Variants in PRR5L observed in about 807,000 individuals in gnomAD.
The protein encoded by PRR5L is proline rich 5 like, also known as proline-rich protein 5-like.
Under a neutral mutation model 36.4 loss-of-function variants are expected in PRR5L, and 21 were observed. That is an observed-to-expected ratio of 0.58 (90% CI 0.41 to 0.83). The LOEUF (loss-of-function observed/expected upper bound fraction) is 0.83, where lower values mean the gene tolerates loss of function less well. Ranked by LOEUF, PRR5L falls within the 40% of genes least tolerant of loss-of-function variation. PRR5L has a pLI of 0.00. For synonymous variants in PRR5L, 188 were observed against 197.0 expected, an observed-to-expected ratio of 0.95 and a Z score of 0.38; for missense variants, 381 against 473.3, an observed-to-expected ratio of 0.80 and a Z score of 1.81.
At chr11:36,312,524 C>T (rs539426173) in intron 1 of PRR5L, among the ~76,000 whole-genome samples, 2 of 152,266 alleles carry the variant, frequency 1.3e-5, no homozygotes, top group African/African-American at 4.8e-5. Flanking sequence ...TCTGTTGGAC[C>T]AGCTGTTCAT....
chr11:36,378,036 AC>A (rs1407537960), intron 1 of PRR5L, among the ~76,000 whole-genome samples: 8 of 152,172 alleles, frequency 5.3e-5, no homozygotes, highest in African/African-American at 1.9e-4. Flanking sequence ...CCGGGAGACT[AC>A]CCTTTTTGAC....
At chr11:36,354,076 G>A (rs1357926976) in intron 1 of PRR5L, among the ~76,000 whole-genome samples, 8 of 152,182 alleles carry the variant, frequency 5.3e-5, no homozygotes, top group Non-Finnish European at 2.9e-5. Context: ...AGACTTCATT[G>A]TCAGGAGCAC....
chr11:36,455,436 C>T (rs981041724), intron 8 of PRR5L: 2 of 153,262 alleles, frequency 1.3e-5, no homozygotes, highest in Non-Finnish European at 2.9e-5. Flanking sequence ...CAGTGTTCAG[C>T]AGGGCTCCTG....
At chr11:36,399,430 C>A (rs1857741593) in intron 1 of PRR5L, among the ~76,000 whole-genome samples, 1 of 152,200 alleles carries the variant, frequency 6.6e-6, no homozygotes, top group Non-Finnish European at 1.5e-5. Flanking sequence ...TGGCTTGCCT[C>A]CATGCCCATC....
chr11:36,438,645 G>A (rs1858655411), intron 6 of PRR5L, among the ~76,000 whole-genome samples: 1 of 152,122 alleles, frequency 6.6e-6, no homozygotes, highest in African/African-American at 2.4e-5. Flanking sequence ...TGGGGATAAG[G>A]TTGCCAGATG....
intron 1 of PRR5L, among the ~76,000 whole-genome samples, chr11:36,365,068 T>C (rs1565418535): frequency 6.6e-6 from 1 of 152,202 alleles, no homozygotes; most frequent in African/African-American, 2.4e-5. Context: ...GCCTGGTACT[T>C]AATGTAAACT....
intron 1 of PRR5L, among the ~76,000 whole-genome samples, chr11:36,334,521 G>A (rs1856750074): frequency 6.6e-6 from 1 of 152,078 alleles, no homozygotes; most frequent in South Asian, 2.1e-4. Context: ...ACACCATCAA[G>A]GTTATTATTT....
chr11:36,307,941 C>A (rs185854864), intron 1 of PRR5L, among the ~76,000 whole-genome samples: 2 of 152,250 alleles, frequency 1.3e-5, no homozygotes, highest in Admixed American at 6.5e-5. Context: ...TTTTTTCCAG[C>A]AAACTTTCCC....
chr11:36,385,904 C>A (rs1857449120), intron 1 of PRR5L, among the ~76,000 whole-genome samples: 1 of 152,170 alleles, frequency 6.6e-6, no homozygotes, highest in African/African-American at 2.4e-5. Context: ...TTAGGTGGAC[C>A]CAAGTTTAGT....
At chr11:36,397,796 CT>C (rs1163004656) in intron 1 of PRR5L, among the ~76,000 whole-genome samples, 1 of 150,322 alleles carries the variant, frequency 6.7e-6, no homozygotes, top group Non-Finnish European at 1.5e-5. Flanking sequence ...TCTTTTCTTT[CT>C]TTTTTTGTTT....
At chr11:36,390,743 T>C (rs1857548522) in intron 1 of PRR5L, among the ~76,000 whole-genome samples, 2 of 152,224 alleles carry the variant, frequency 1.3e-5, no homozygotes, top group African/African-American at 4.8e-5. Context: ...TGCACTCCGA[T>C]ATTTTCTATT....
intron 1 of PRR5L, among the ~76,000 whole-genome samples, chr11:36,362,901 G>C (rs1277268055): frequency 6.6e-6 from 1 of 152,310 alleles, no homozygotes; most frequent in South Asian, 2.1e-4. Context: ...TGGGCAGCCT[G>C]CCTGGGATGG....
chr11:36,403,741 T>C (rs918551197), intron 3 of PRR5L, among the ~76,000 whole-genome samples: 3 of 152,222 alleles, frequency 2.0e-5, no homozygotes, highest in Non-Finnish European at 4.4e-5. Context: ...TGAGGTTTTA[T>C]TGTGTTCTTC....
intron 4 of PRR5L, among the ~76,000 whole-genome samples, chr11:36,429,639 A>C (rs1026911142): frequency 4.6e-5 from 7 of 152,228 alleles, no homozygotes; most frequent in African/African-American, 1.4e-4. Context: ...AGTTGTTTTA[A>C]TAGAAGCCTG....
At chr11:36,423,862 AG>A (rs1858323722) in intron 4 of PRR5L, among the ~76,000 whole-genome samples, 1 of 152,120 alleles carries the variant, frequency 6.6e-6, no homozygotes. Context: ...GTGGCCTAGA[AG>A]CTCCCACTGG....
At chr11:36,353,524 G>A (rs1301709153) in intron 1 of PRR5L, among the ~76,000 whole-genome samples, 2 of 152,128 alleles carry the variant, frequency 1.3e-5, no homozygotes, top group African/African-American at 2.4e-5. Flanking sequence ...AGGAATGAAC[G>A]GGTTGGATTC....
At chr11:36,422,501 C>T (rs1858289502) in intron 4 of PRR5L, among the ~76,000 whole-genome samples, 1 of 152,198 alleles carries the variant, frequency 6.6e-6, no homozygotes, top group African/African-American at 2.4e-5. Flanking sequence ...GCCTAGACAT[C>T]TGCATTCAGC....
chr11:36,442,301 G>T (rs1333004371), intron 6 of PRR5L, among the ~76,000 whole-genome samples: 1 of 151,066 alleles, frequency 6.6e-6, no homozygotes, highest in Admixed American at 6.6e-5. Context: ...ATCTTAGGCT[G>T]TTCGAAGCAG....
At chr11:36,397,877 C>A (rs931817271) in intron 1 of PRR5L, among the ~76,000 whole-genome samples, 1 of 152,044 alleles carries the variant, frequency 6.6e-6, no homozygotes, top group Non-Finnish European at 1.5e-5. Context: ...ATCACCGCAA[C>A]CTCTGCCTCT....
Sources: allele counts gnomAD v4.1 joint callset (sites outside exome capture counted in the v4.1 genomes callset), GRCh38; gene constraint gnomAD v4.1.1; transcripts MANE v1.5; gene names NCBI Gene and HGNC (gene_info 2026-07-23, HGNC 2026-07-21).